KLHL22: variants seen among roughly 807,000 people sequenced by gnomAD.
KLHL22 encodes the protein kelch-like protein 22.
A neutral mutation model predicts 60.7 loss-of-function variants in KLHL22; 18 were observed. That is an observed-to-expected ratio of 0.30 (90% CI 0.20 to 0.44). The LOEUF (loss-of-function observed/expected upper bound fraction) is 0.44, where lower values mean the gene tolerates loss of function less well. Ranked by LOEUF, KLHL22 falls within the 20% of genes least tolerant of loss-of-function variation. The pLI, the probability that KLHL22 is intolerant of heterozygous loss-of-function variation, is 1.00. For missense variants in KLHL22, 596 were observed against 852.3 expected, an observed-to-expected ratio of 0.70 and a Z score of 3.74; for synonymous variants, 355 against 354.5, an observed-to-expected ratio of 1.00 and a Z score of -0.01.
intron 2 of KLHL22, among the ~76,000 whole-genome samples, chr22:20,476,862 C>A (rs1387420753): frequency 6.6e-6 from 1 of 151,490 alleles, no homozygotes; most frequent in Non-Finnish European, 1.5e-5. Flanking sequence ...GCATGTGCCA[C>A]CACGCCTGGC....
intron 3 of KLHL22, among the ~76,000 whole-genome samples, chr22:20,468,558 C>T (rs930578153): frequency 7.2e-5 from 11 of 152,188 alleles, no homozygotes; most frequent in Non-Finnish European, 2.9e-5. Context: ...TGGGGGAAGC[C>T]TCCAAAAGTC....
At chr22:20,474,187 G>A (rs2053371888) in intron 2 of KLHL22, among the ~76,000 whole-genome samples, 1 of 151,982 alleles carries the variant, frequency 6.6e-6, no homozygotes, top group Non-Finnish European at 1.5e-5. Context: ...TTTTAGTAGA[G>A]ACCGGGTTTC....
At chr22:20,447,762 C>T (rs931362778) in intron 5 of KLHL22, among the ~76,000 whole-genome samples, 4 of 152,092 alleles carry the variant, frequency 2.6e-5, no homozygotes, top group Non-Finnish European at 5.9e-5. Flanking sequence ...AGGATGGTCT[C>T]GATCTCCTGA....
In KLHL22 at chr22:20,465,031, G is replaced by A. The variant is rs768972523; in HGVS notation, c.939C>T (p.Val313=). 1.9e-6 allele frequency: 3 copies of A among 1,611,760 alleles called. No individual in the cohort carries two copies. Among genetic ancestry groups the A allele is most frequent in the Admixed American group, 3.3e-5 (2 of 59,874 alleles). The change falls in exon 4 of 7, where the codon GTC becomes GTT. Residue 313 remains valine (V), a synonymous_variant. Transcript: ENST00000328879. This position sits in a 1 kb window ranked among gnomAD's most constrained non-coding sequence, Gnocchi z 4.9. ...TTAGATACTTGGCCTGGTCGCTGAG[G>A]ACAGTGGACGGCGTGGAGTGAATGC... ...FGGIHSTPST[V]LSDQAKYLNP... is the part of the protein sequence containing the mutation.
chr22:20,460,680 TAGACATAGCCAA>T (rs1386170971), intron 4 of KLHL22, among the ~76,000 whole-genome samples: 2 of 144,856 alleles, frequency 1.4e-5, no homozygotes, highest in African/African-American at 5.1e-5. Flanking sequence ...GTCAATAATT[TAGACATAGCCAA>T]AGTTACACTG....
chr22:20,443,565 C>T (rs1351777661), intron 6 of KLHL22, among the ~76,000 whole-genome samples: 1 of 151,726 alleles, frequency 6.6e-6, no homozygotes, highest in Non-Finnish European at 1.5e-5. Flanking sequence ...ATGGTGAAAC[C>T]TCGTCTCTAC....
chr22:20,454,373 T>C (rs1170321533), intron 5 of KLHL22, among the ~76,000 whole-genome samples: 1 of 151,998 alleles, frequency 6.6e-6, no homozygotes, highest in Non-Finnish European at 1.5e-5. Flanking sequence ...TTATTGTGCA[T>C]GTAAAAGAAG....
intron 5 of KLHL22, chr22:20,450,922 C>T: frequency 1.2e-6 from 2 of 1,612,318 alleles, no homozygotes; most frequent in Non-Finnish European, 1.7e-6. Context: ...GAGTCAGATG[C>T]AGGGACCCAG....
chr22:20,456,762 AAAG>A (rs2146196180), intron 5 of KLHL22, among the ~76,000 whole-genome samples: 1 of 152,374 alleles, frequency 6.6e-6, no homozygotes. Context: ...TGACCTGGAT[AAAG>A]AAGAGCTGGA....
At chr22:20,458,445 A>ATTTTTT (rs938534970) in intron 4 of KLHL22, among the ~76,000 whole-genome samples, 16 of 90,448 alleles carry the variant, frequency 1.8e-4, no homozygotes, top group East Asian at 9.3e-4. Context: ...AACGCCCGCT[A>ATTTTTT]TTTTTTTTTT....
chr22:20,463,230 T>G (rs1367563958), intron 4 of KLHL22, among the ~76,000 whole-genome samples: 1 of 152,174 alleles, frequency 6.6e-6, no homozygotes, highest in Non-Finnish European at 1.5e-5. Context: ...CGACCCCACT[T>G]GCCATTGTGA....
At position 20,442,139 on chromosome 22, in the gene KLHL22, CG is replaced by C; in HGVS notation, c.1838del (p.Pro613ArgfsTer7). ...CACTCATCACCTCAGAGGCAAAGTC[CG>C]GGTCGGCCTGGCTGCGGTCAGGGGT... ...RGTPDRSQAD[P>X]DFASEVMSVS... On this transcript the variant is annotated frameshift_variant, in exon 7 of 7. Transcript: ENST00000328879. LOFTEE classifies it high-confidence loss of function. 2 of 1,538,804 alleles carry C rather than the reference CG, an allele frequency of 1.3e-6. No individual in the cohort carries two copies. The highest frequency in any genetic ancestry group is 1.8e-6 in the Non-Finnish European group (2 of 1,141,482).
chr22:20,450,748 C>A, intron 5 of KLHL22: 1 of 1,321,216 alleles, frequency 7.6e-7, no homozygotes, highest in Non-Finnish European at 1.1e-6. Context: ...CAAGAAAGAG[C>A]AGAAAGACTC....
chr22:20,467,864 T>C (rs562930665), intron 3 of KLHL22, among the ~76,000 whole-genome samples: 23 of 152,316 alleles, frequency 1.5e-4, no homozygotes, highest in African/African-American at 5.5e-4. Flanking sequence ...TTCATCGTGT[T>C]AGCCAGGATG....
rs377095301 is a variant in KLHL22 at position 20,441,742 on chromosome 22, A to G, written c.*331T>C. ...ACCACGTGCCTCAGCCCCCCTGCCC[A>G]GGCTGCCAGCTCCCAGGTCCTTTTG... On this transcript the variant is annotated 3_prime_UTR_variant, in exon 7 of 7. Coordinates refer to ENST00000328879, the MANE Select transcript of KLHL22 (RefSeq NM_032775.4). The G allele has an allele frequency of 1.4e-4, 36 of 254,316 alleles. No homozygotes were observed. Among genetic ancestry groups the G allele is most frequent in the African/African-American group, 6.6e-4 (30 of 45,132 alleles). 15.8% of individuals were successfully genotyped at this position (254,316 alleles called of 1,614,324 possible). A position where few individuals can be genotyped will look rare whatever the true frequency, so the allele number is the denominator to read the frequency against.
chr22:20,466,754 T>C (rs1356993279), intron 3 of KLHL22, among the ~76,000 whole-genome samples: 1 of 152,226 alleles, frequency 6.6e-6, no homozygotes, highest in African/African-American at 2.4e-5. Context: ...CTCAAGCTTC[T>C]GGGCTCAAGT....
intron 5 of KLHL22, chr22:20,451,657 G>C: frequency 6.2e-7 from 1 of 1,606,104 alleles, no homozygotes; most frequent in South Asian, 1.1e-5. Flanking sequence ...ATGCTATGTA[G>C]GGGCCACAGT....
At chr22:20,445,703 T>A (rs1443598017) in intron 6 of KLHL22, among the ~76,000 whole-genome samples, 1 of 152,172 alleles carries the variant, frequency 6.6e-6, no homozygotes, top group Non-Finnish European at 1.5e-5. Flanking sequence ...CACTTCAGCC[T>A]CCTGAGTAGC....
At position 20,495,476 on chromosome 22, in the gene KLHL22, G is replaced by A. The variant is rs1328711410; in HGVS notation, c.-34+284C>T. ...CCCGCCCGGGTGCCAGGAGGCCGGC[G>A]CGCCAGCAGCCGCGCTGAGGAGGCC... On this transcript the variant is annotated intron_variant, in intron 1 of 6. Coordinates refer to ENST00000328879, the MANE Select transcript of KLHL22 (RefSeq NM_032775.4). This position sits in a 1 kb window ranked among gnomAD's most constrained non-coding sequence, Gnocchi z 4.6. 6.6e-6 allele frequency among the ~76,000 whole-genome samples: 1 copy of A among 151,954 alleles called. No homozygotes were observed. The highest frequency in any genetic ancestry group is 2.4e-5 in the African/African-American group (1 of 41,422).
Sources: allele counts gnomAD v4.1 joint callset (sites outside exome capture counted in the v4.1 genomes callset), GRCh38; gene constraint gnomAD v4.1.1; non-coding constraint Gnocchi (gnomAD v3.1); transcripts MANE v1.5; gene names NCBI Gene and HGNC (gene_info 2026-07-23, HGNC 2026-07-21).